Variants in FBXO42 observed in about 807,000 individuals in gnomAD.
FBXO42 encodes F-box only protein 42.
FBXO42 carries 12 observed loss-of-function variants against 71.7 expected under a neutral mutation model. That is an observed-to-expected ratio of 0.17 (90% CI 0.11 to 0.27). The LOEUF (loss-of-function observed/expected upper bound fraction) is 0.27, where lower values mean the gene tolerates loss of function less well. Ranked by LOEUF, FBXO42 falls within the 10% of genes least tolerant of loss-of-function variation. FBXO42 has a pLI of 1.00. For missense variants in FBXO42, 707 were observed against 911.9 expected (o/e 0.78, Z 2.89); for synonymous variants, 325 against 327.5 (o/e 0.99, Z 0.08).
chr1:16,316,445 G>A (rs774487605), intron 1 of FBXO42, among the ~76,000 whole-genome samples: 3 of 150,348 alleles, frequency 2.0e-5, no homozygotes, highest in Admixed American at 7.0e-5. Flanking sequence ...ACAAAATATA[G>A]TAGTTCTTGG....
chr1:16,271,261 GTGTGTGT>G (rs1557577450), intron 4 of FBXO42, among the ~76,000 whole-genome samples: 1 of 34,638 alleles, frequency 2.9e-5, no homozygotes, highest in Admixed American at 3.8e-4. Flanking sequence ...GTGTGTTGGT[GTGTGTGT>G]GTGTGTGTGT....
chr1:16,340,728 G>A (rs1210977967), intron 1 of FBXO42, among the ~76,000 whole-genome samples: 1 of 152,066 alleles, frequency 6.6e-6, no homozygotes, highest in African/African-American at 2.4e-5. Flanking sequence ...ACACTTTACT[G>A]AGCAATAGGC....
intron 1 of FBXO42, among the ~76,000 whole-genome samples, chr1:16,324,920 A>G (rs1383344352): frequency 6.6e-6 from 1 of 152,118 alleles, no homozygotes; most frequent in Non-Finnish European, 1.5e-5. Flanking sequence ...TGTAACTTAA[A>G]CTGATATCCT....
intron 1 of FBXO42, among the ~76,000 whole-genome samples, chr1:16,332,130 G>A (rs936122708): frequency 2.6e-5 from 4 of 152,106 alleles, no homozygotes; most frequent in Non-Finnish European, 5.9e-5. Context: ...AGTCACTTCT[G>A]ATACAGCATA....
intron 2 of FBXO42, among the ~76,000 whole-genome samples, chr1:16,314,920 G>A (rs1006413433): frequency 1.3e-5 from 2 of 151,286 alleles, no homozygotes; most frequent in Non-Finnish European, 2.9e-5. Flanking sequence ...CAATTAACCA[G>A]ATCAACTCTA....
intron 4 of FBXO42, among the ~76,000 whole-genome samples, chr1:16,285,934 C>T (rs1416249255): frequency 6.6e-6 from 1 of 152,178 alleles, no homozygotes; most frequent in Non-Finnish European, 1.5e-5. Flanking sequence ...GTAGCGCAAA[C>T]ATGGGTCACT....
rs1213461647 is a variant in FBXO42, at chr1:16,249,968, GACAC to G, written c.*698_*701del. ...CAATCAGACACAAAATGTTTTCTGAGACACACAAGAAGCACTCCAAAGACCAATG... is the reference window on the plus strand; with the variant it reads ...CAATCAGACACAAAATGTTTTCTGAGACAAGAAGCACTCCAAAGACCAATG... On this transcript the variant is annotated 3_prime_UTR_variant, in exon 10 of 10. Coordinates refer to ENST00000375592, the MANE Select transcript of FBXO42 (RefSeq NM_018994.3). 5.3e-5 allele frequency: 8 copies of G among 152,198 alleles called. No homozygotes were observed. The highest frequency in any genetic ancestry group is 3.3e-4 in the Admixed American group (5 of 15,282). The allele number at this position is 152,198 out of a possible 1,614,324, so 9.4% of individuals were successfully genotyped here.
intron 1 of FBXO42, among the ~76,000 whole-genome samples, chr1:16,334,411 T>A (rs1569938748): frequency 1.0e-5 from 1 of 95,782 alleles, no homozygotes; most frequent in Non-Finnish European, 1.9e-5. Context: ...AGAGTGAGAC[T>A]CCGCCTCAAA....
chr1:16,271,208 C>T (rs1413851148), intron 4 of FBXO42, among the ~76,000 whole-genome samples: 1 of 151,080 alleles, frequency 6.6e-6, no homozygotes, highest in African/African-American at 2.4e-5. Context: ...CTGTGCAGGA[C>T]CTTGTTTGGC....
chr1:16,347,786 G>A (rs888783248), intron 1 of FBXO42, among the ~76,000 whole-genome samples: 15 of 152,086 alleles, frequency 9.9e-5, no homozygotes, highest in African/African-American at 3.4e-4. Flanking sequence ...TCTGGAAATC[G>A]AGACAATCCT....
intron 1 of FBXO42, among the ~76,000 whole-genome samples, chr1:16,331,480 T>C (rs911210105): frequency 2.7e-5 from 4 of 149,832 alleles, no homozygotes; most frequent in Non-Finnish European, 4.4e-5. Flanking sequence ...ACCGGCTTGG[T>C]GCGGTGGCTC....
At chr1:16,308,022 C>A (rs2082270053) in intron 2 of FBXO42, among the ~76,000 whole-genome samples, 1 of 152,146 alleles carries the variant, frequency 6.6e-6, no homozygotes, top group Non-Finnish European at 1.5e-5. Flanking sequence ...ATTGATACCA[C>A]CTGACTTCAA....
intron 1 of FBXO42, among the ~76,000 whole-genome samples, chr1:16,337,343 T>A (rs1170264539): frequency 6.6e-6 from 1 of 152,028 alleles, no homozygotes; most frequent in Non-Finnish European, 1.5e-5. Context: ...GATGAGAAAA[T>A]GGAATCAACA....
At chr1:16,312,798 CT>C (rs34574831) in intron 2 of FBXO42, among the ~76,000 whole-genome samples, 49,837 of 142,002 alleles carry the variant, frequency 0.35, 8,638 homozygotes, top group African/African-American at 0.4. Flanking sequence ...TTTTGTTTTG[CT>C]TTTTTTTTTT....
In FBXO42 at chr1:16,318,553, T is replaced by C. The variant is rs116517545; in HGVS notation, c.-17-3118A>G. Among the ~76,000 whole-genome samples the C allele has an allele frequency of 8.2e-3, 1,252 of 151,940 alleles. 11 individuals carry two copies. The highest frequency in any genetic ancestry group is 0.029 in the African/African-American group (1,190 of 41,556). The stretch of plus-strand genomic sequence containing the variant: ...ATTTTCTACAAAGAAAGCATACACA[T>C]AGAGGCAGGCATCTCATTTATACTC... On this transcript the variant is annotated intron_variant, in intron 1 of 9. Transcript: ENST00000375592.
rs935585426 is a variant in FBXO42, at chr1:16,251,198, G to A, written c.1626C>T (p.His542=). ...CGGCCCCTGCAAGGGCACTGGCCAC[G>A]TGAGGTGGGGTATGCACACCATTTG... The part of the protein sequence containing the change: ...EQTNGVHTPP[H]VASALAGAVS... The change falls in exon 10 of 10, where the codon CAC becomes CAT. Residue 542 remains histidine, a synonymous_variant. Coordinates refer to ENST00000375592, the MANE Select transcript of FBXO42 (RefSeq NM_018994.3). The surrounding 1 kb of genome is among the most constrained non-coding windows in gnomAD (Gnocchi z 4.5). 14 of 1,614,032 alleles carry A rather than the reference G, an allele frequency of 8.7e-6. No individual in the cohort carries two copies. The highest frequency in any genetic ancestry group is 6.7e-5 in the Admixed American group (4 of 60,000).
chr1:16,320,204 A>C (rs1389020687), intron 1 of FBXO42, among the ~76,000 whole-genome samples: 1 of 151,618 alleles, frequency 6.6e-6, no homozygotes, highest in African/African-American at 2.4e-5. Flanking sequence ...TACTAAAAAT[A>C]CAAAAAACTA....
At chr1:16,327,361 T>A (rs1234258980) in intron 1 of FBXO42, among the ~76,000 whole-genome samples, 1 of 152,138 alleles carries the variant, frequency 6.6e-6, no homozygotes, top group Non-Finnish European at 1.5e-5. Context: ...ACTGACGAAT[T>A]AACTGAAATA....
intron 4 of FBXO42, among the ~76,000 whole-genome samples, chr1:16,260,534 C>T (rs912520391): frequency 1.3e-5 from 2 of 151,978 alleles, no homozygotes; most frequent in Non-Finnish European, 2.9e-5. Flanking sequence ...TTTTTAAGTG[C>T]TTTGCATGTA....
Sources: gnomAD v4.1 joint callset for allele counts (sites outside exome capture counted in the v4.1 genomes callset) on GRCh38, gnomAD v4.1.1 for gene constraint, Gnocchi (gnomAD v3.1) non-coding constraint, MANE v1.5 for transcripts, NCBI Gene and HGNC (gene_info 2026-07-23, HGNC 2026-07-21) for gene names.